The following MECOM variants were observed in gnomAD, a reference collection of about 807,000 sequenced individuals.
The protein encoded by MECOM is MDS1 and EVI1 complex locus, also known as histone-lysine N-methyltransferase MECOM.
Under a neutral mutation model 116.3 loss-of-function variants are expected in MECOM, and 13 were observed. The observed-to-expected ratio is 0.11, with a 90% CI of 0.07 to 0.18. The LOEUF is 0.18. Ranked by LOEUF, MECOM falls within the 10% of genes least tolerant of loss-of-function variation. MECOM has a pLI of 1.00. For missense variants in MECOM, 1,299 were observed against 1,509.0 expected, an observed-to-expected ratio of 0.86 and a Z score of 2.31; for synonymous variants, 528 against 535.2, an observed-to-expected ratio of 0.99 and a Z score of 0.19.
intron 1 of MECOM, among the ~76,000 whole-genome samples, chr3:169,387,743 G>T (rs1560210361): frequency 1.3e-5 from 2 of 151,680 alleles, no homozygotes; most frequent in African/African-American, 4.8e-5. Flanking sequence ...TGTGTGTAGG[G>T]GTGTGTGTGT....
intron 2 of MECOM, among the ~76,000 whole-genome samples, chr3:169,380,009 C>T (rs923388228): frequency 2.0e-5 from 3 of 152,082 alleles, no homozygotes; most frequent in Non-Finnish European, 2.9e-5. Context: ...ATGTCAAAGC[C>T]GGATTCTGGC....
chr3:169,126,386 A>G (rs148698800), intron 5 of MECOM, among the ~76,000 whole-genome samples: 348 of 152,224 alleles, frequency 2.3e-3, no homozygotes, highest in African/African-American at 7.9e-3. Flanking sequence ...TTCTGACACC[A>G]GAGATATTAC....
At chr3:169,460,886 T>C (rs1406276664) in intron 1 of MECOM, among the ~76,000 whole-genome samples, 1 of 152,164 alleles carries the variant, frequency 6.6e-6, no homozygotes, top group Non-Finnish European at 1.5e-5. Context: ...CCAATTAATT[T>C]ACGGGAGAGT....
intron 2 of MECOM, among the ~76,000 whole-genome samples, chr3:169,354,435 C>T (rs536634900): frequency 1.3e-5 from 2 of 151,976 alleles, no homozygotes; most frequent in African/African-American, 4.8e-5. Flanking sequence ...TTTACTAGTT[C>T]ATAATATTTC....
chr3:169,507,949 C>T (rs1251447051), intron 1 of MECOM, among the ~76,000 whole-genome samples: 2 of 152,076 alleles, frequency 1.3e-5, no homozygotes, highest in Admixed American at 1.3e-4. Context: ...CATGAGCCAC[C>T]GCGCCCGGCC....
chr3:169,131,622 AC>A (rs1217374764), intron 3 of MECOM, 91 bp from the exon 4 acceptor site: 37 of 912,418 alleles, frequency 4.1e-5, no homozygotes, highest in Middle Eastern at 3.4e-4. Context: ...AGATACCTGT[AC>A]AAACACCTTA....
chr3:169,089,848 T>TC (rs1719080173), intron 15 of MECOM, 152 bp downstream of exon 15: 1 of 1,224,536 alleles, frequency 8.2e-7, no homozygotes, highest in Admixed American at 3.2e-5. Flanking sequence ...CACCTTATTT[T>TC]CATCTATTTA....
intron 2 of MECOM, among the ~76,000 whole-genome samples, chr3:169,236,792 C>T (rs972955777): frequency 6.6e-6 from 1 of 152,174 alleles, no homozygotes; most frequent in African/African-American, 2.4e-5. Flanking sequence ...ATTGTGAATT[C>T]CAAGGTTAAG....
intron 1 of MECOM, among the ~76,000 whole-genome samples, chr3:169,470,764 C>T (rs955846449): frequency 3.3e-5 from 5 of 151,960 alleles, no homozygotes; most frequent in Non-Finnish European, 5.9e-5. Context: ...TCTGGTGTAT[C>T]TATCATCTAG....
intron 1 of MECOM, among the ~76,000 whole-genome samples, chr3:169,382,652 TA>T (rs1732598405): frequency 2.0e-5 from 3 of 151,784 alleles, no homozygotes. Context: ...AGATGAAAAT[TA>T]CGAAGAAACA....
chr3:169,221,270 A>C (rs766887945), intron 2 of MECOM, among the ~76,000 whole-genome samples: 2 of 152,242 alleles, frequency 1.3e-5, no homozygotes, highest in Non-Finnish European at 2.9e-5. Flanking sequence ...CTTCTTCACC[A>C]GAACTATCAC....
At chr3:169,596,940 C>A (rs1170082573) in intron 1 of MECOM, among the ~76,000 whole-genome samples, 2 of 152,044 alleles carry the variant, frequency 1.3e-5, no homozygotes, top group African/African-American at 4.8e-5. Flanking sequence ...TGTATCAAAT[C>A]TTGCTGGTTT....
At chr3:169,360,688 A>G (rs994813050) in intron 2 of MECOM, among the ~76,000 whole-genome samples, 26 of 151,410 alleles carry the variant, frequency 1.7e-4, no homozygotes, top group Non-Finnish European at 2.2e-4. Context: ...CCCAGGGGGG[A>G]AAAAAAAGCA....
chr3:169,565,635 C>T (rs563223932), intron 1 of MECOM, among the ~76,000 whole-genome samples: 1 of 152,318 alleles, frequency 6.6e-6, no homozygotes, highest in Non-Finnish European at 1.5e-5. Context: ...CAGCTTCCCA[C>T]TGACAATGTT....
chr3:169,499,346 CAA>C (rs60302997), intron 1 of MECOM, among the ~76,000 whole-genome samples: 9,093 of 50,352 alleles, frequency 0.18, 117 homozygotes, highest in Non-Finnish European at 0.26. Context: ...AGATTACCCA[CAA>C]AAAAAAAAAA....
At chr3:169,143,875 C>T in intron 2 of MECOM, 43 bp from the exon 3 acceptor site, 2 of 1,521,938 alleles carry the variant, frequency 1.3e-6, no homozygotes, top group Non-Finnish European at 1.8e-6. Flanking sequence ...CATATTGGCC[C>T]ACTCATTAAA....
intron 1 of MECOM, among the ~76,000 whole-genome samples, chr3:169,662,456 C>T (rs1310596809): frequency 2.0e-5 from 3 of 152,176 alleles, no homozygotes; most frequent in Admixed American, 2.0e-4. Flanking sequence ...CCTCCACTCC[C>T]GGCTCTCCGA....
chr3:169,405,707 T>C (rs1452367697), intron 1 of MECOM, among the ~76,000 whole-genome samples: 1 of 152,230 alleles, frequency 6.6e-6, no homozygotes, highest in Non-Finnish European at 1.5e-5. Context: ...CAATTTCTAA[T>C]ACTTAGGTAC....
chr3:169,577,304 T>C (rs968035289), intron 1 of MECOM, among the ~76,000 whole-genome samples: 2 of 152,278 alleles, frequency 1.3e-5, no homozygotes, highest in Non-Finnish European at 2.9e-5. Context: ...AGATAATATG[T>C]TTTGAGTAAA....
Sources: gnomAD v4.1 joint callset for allele counts (sites outside exome capture counted in the v4.1 genomes callset) on GRCh38, gnomAD v4.1.1 for gene constraint, MANE v1.5 for transcripts, NCBI Gene and HGNC (gene_info 2026-07-23, HGNC 2026-07-21) for gene names.